SOS1: variants seen among roughly 807,000 people sequenced by gnomAD.
The protein encoded by SOS1 is son of sevenless homolog 1.
A neutral mutation model predicts 157.6 loss-of-function variants in SOS1; 25 were observed. That is an observed-to-expected ratio of 0.16 (90% CI 0.12 to 0.22). The LOEUF (loss-of-function observed/expected upper bound fraction) is 0.22. Ranked by LOEUF, SOS1 falls within the 10% of genes least tolerant of loss-of-function variation. The probability of loss-of-function intolerance (pLI) is 1.00; values close to 1 mark genes in which losing one functional copy is unlikely to be tolerated. For synonymous variants in SOS1, 528 were observed against 534.0 expected (o/e 0.99, Z 0.16); for missense variants, 1,237 against 1,599.1 (o/e 0.77, Z 3.86).
At chr2:39,123,616 C>T (rs1377249894), upstream of SOS1, among the ~76,000 whole-genome samples, 1 of 152,146 alleles carries the variant, frequency 6.6e-6, no homozygotes, top group African/African-American at 2.4e-5. Flanking sequence ...CCTCCGCCTC[C>T]CAAAGTGCTG....
chr2:39,075,807 G>C (rs79812780), intron 1 of SOS1, among the ~76,000 whole-genome samples: 1 of 152,032 alleles, frequency 6.6e-6, no homozygotes, highest in South Asian at 2.1e-4. Flanking sequence ...AGTTTAAAAA[G>C]AGAAAATTAT....
At chr2:39,001,173 T>TTCAA (rs1289520910) in intron 17 of SOS1, among the ~76,000 whole-genome samples, 1 of 152,190 alleles carries the variant, frequency 6.6e-6, no homozygotes, top group African/African-American at 2.4e-5. Flanking sequence ...GCAATTCTTG[T>TTCAA]GCCTCTGCCT....
chr2:38,988,219 A>C (rs1213347152), intron 21 of SOS1, among the ~76,000 whole-genome samples: 1 of 152,206 alleles, frequency 6.6e-6, no homozygotes, highest in Non-Finnish European at 1.5e-5. Context: ...TGATGGCACT[A>C]TTCAAGACAA....
At chr2:39,041,596 T>C (rs1262843964) in intron 6 of SOS1, among the ~76,000 whole-genome samples, 1 of 152,246 alleles carries the variant, frequency 6.6e-6, no homozygotes, top group Middle Eastern at 3.2e-3. Context: ...AAGCATCCTT[T>C]GCCAAATTGA....
intron 1 of SOS1, among the ~76,000 whole-genome samples, chr2:39,096,434 C>A (rs1222221134): frequency 1.3e-5 from 2 of 152,122 alleles, no homozygotes; most frequent in Admixed American, 1.3e-4. Context: ...ATGAGACATA[C>A]TTTTTAAAAA....
intron 22 of SOS1, among the ~76,000 whole-genome samples, chr2:38,986,703 T>G (rs1323281905): frequency 6.6e-6 from 1 of 151,936 alleles, no homozygotes; most frequent in African/African-American, 2.4e-5. Flanking sequence ...AAATGGGAGG[T>G]TCTGTCAATT....
chr2:39,068,375 C>G (rs1671664019), intron 1 of SOS1, among the ~76,000 whole-genome samples: 1 of 152,098 alleles, frequency 6.6e-6, no homozygotes, highest in Non-Finnish European at 1.5e-5. Flanking sequence ...TATGTTTTTG[C>G]CAGGAACCAG....
intron 6 of SOS1, among the ~76,000 whole-genome samples, chr2:39,048,310 G>A (rs957297342): frequency 2.0e-5 from 3 of 152,024 alleles, no homozygotes; most frequent in African/African-American, 7.2e-5. Flanking sequence ...TTACTCAACT[G>A]ACTGTTAACC....
chr2:39,095,340 T>G lies in SOS1; in HGVS notation c.87+24996A>C, dbSNP rs575903373. The stretch of plus-strand genomic sequence containing the variant: ...GTTTGAGAAACTACTTGAGGACTGG[T>G]AGATGGGTACAGGTCAACCTGAAAA... On this transcript the variant is annotated intron_variant, in intron 1 of 22. Transcript: ENST00000402219. 2.6e-5 allele frequency among the ~76,000 whole-genome samples: 4 copies of G among 152,178 alleles called. No individual in the cohort carries two copies. The East Asian group carries it at 7.7e-4, about 29-fold the overall frequency.
intron 8 of SOS1, among the ~76,000 whole-genome samples, chr2:39,032,220 T>C (rs1351819296): frequency 6.6e-6 from 1 of 152,194 alleles, no homozygotes; most frequent in Non-Finnish European, 1.5e-5. Flanking sequence ...TGATGTACGA[T>C]AGATCTCTTG....
intron 17 of SOS1, among the ~76,000 whole-genome samples, chr2:38,999,893 C>T (rs1293009167): frequency 1.3e-5 from 2 of 152,118 alleles, no homozygotes; most frequent in Admixed American, 6.5e-5. Flanking sequence ...ATTTTGTTTG[C>T]ATTCTGGAAG....
At chr2:38,998,774 C>G (rs17023214) in intron 17 of SOS1, among the ~76,000 whole-genome samples, 15,625 of 152,162 alleles carry the variant, frequency 0.1, 2,733 homozygotes, top group African/African-American at 0.35. Flanking sequence ...CTACCTTTTT[C>G]CCTAAAGTAC....
chr2:39,118,410 C>T (rs148384576), intron 1 of SOS1, among the ~76,000 whole-genome samples: 4 of 152,282 alleles, frequency 2.6e-5, no homozygotes, highest in Non-Finnish European at 5.9e-5. Flanking sequence ...AGATATGAAA[C>T]ATACTGTATT....
At chr2:39,054,216 C>T (rs918913153) in intron 5 of SOS1, among the ~76,000 whole-genome samples, 2 of 152,182 alleles carry the variant, frequency 1.3e-5, no homozygotes, top group Non-Finnish European at 2.9e-5. Context: ...CGTGAGCCAC[C>T]GTGCCCAGCA....
chr2:38,998,120 A>G (rs1480359348), intron 17 of SOS1, among the ~76,000 whole-genome samples: 1 of 152,200 alleles, frequency 6.6e-6, no homozygotes, highest in Non-Finnish European at 1.5e-5. Context: ...CTGTTTCCCC[A>G]TCACTACAGC....
At position 39,109,296 on chromosome 2, in the gene SOS1, G is replaced by A. The variant is rs576916591; in HGVS notation, c.87+11040C>T. On this transcript the variant is annotated intron_variant, in intron 1 of 22. Transcript: ENST00000402219. ...AAGGACAGTCTCCTAGCTTCTCATT[G>A]CCACCTAAAGACCATTAATCTCAGC... 2.0e-4 allele frequency among the ~76,000 whole-genome samples: 31 copies of A among 152,252 alleles called. No homozygotes were observed. The South Asian group carries it at 6.0e-3, about 30-fold the overall frequency.
At chr2:39,055,238 A>T (rs1040376066) in intron 4 of SOS1, among the ~76,000 whole-genome samples, 2 of 152,158 alleles carry the variant, frequency 1.3e-5, no homozygotes, top group African/African-American at 4.8e-5. Context: ...TTTGTTGGGA[A>T]TAGGTCAAAA....
chr2:39,027,588 T>C (rs1191445865), intron 8 of SOS1, among the ~76,000 whole-genome samples: 1 of 152,302 alleles, frequency 6.6e-6, no homozygotes, highest in African/African-American at 2.4e-5. Context: ...TTATTGTGGC[T>C]ACAGAGACAA....
At chr2:38,999,788 A>G (rs1478335842) in intron 17 of SOS1, among the ~76,000 whole-genome samples, 1 of 152,170 alleles carries the variant, frequency 6.6e-6, no homozygotes, top group East Asian at 1.9e-4. Context: ...ATCTGTGAAG[A>G]GTTTGTGGGT....
Sources: gnomAD v4.1 joint callset for allele counts (sites outside exome capture counted in the v4.1 genomes callset) on GRCh38, gnomAD v4.1.1 for gene constraint, MANE v1.5 for transcripts, NCBI Gene and HGNC (gene_info 2026-07-23, HGNC 2026-07-21) for gene names.